BIVM: variants seen among roughly 807,000 people sequenced by gnomAD.
BIVM encodes the protein basic, immunoglobulin-like variable motif containing.
BIVM carries 31 observed loss-of-function variants against 61.4 expected under a neutral mutation model. That is an observed-to-expected ratio of 0.51 (90% CI 0.38 to 0.68). The LOEUF (loss-of-function observed/expected upper bound fraction) is 0.68. BIVM is among the 30% of genes least tolerant of loss of function. BIVM has a pLI of 0.00. For synonymous variants in BIVM, 189 were observed against 210.7 expected (o/e 0.90, Z 0.89); for missense variants, 526 against 596.0 (o/e 0.88, Z 1.22).
chr13:102,834,441 T>C (rs1187701416), intron 8 of BIVM, 25 bp from the exon 9 acceptor site: 1 of 1,584,268 alleles, frequency 6.3e-7, no homozygotes, highest in Non-Finnish European at 8.6e-7. Context: ...CTATTAAACG[T>C]ACTGTGAATG....
chr13:102,820,716 A>G (rs957593325), intron 4 of BIVM: 6 of 232,492 alleles, frequency 2.6e-5, no homozygotes, highest in African/African-American at 9.4e-5. Flanking sequence ...TGAAGTTGCA[A>G]ATAATCATGT....
rs536863531 is a variant in BIVM at position 102,831,469 on chromosome 13, G to A, written c.902-96G>A. On this transcript the variant is annotated intron_variant, in intron 7 of 10. Coordinates refer to ENST00000257336, the MANE Select transcript of BIVM (RefSeq NM_017693.4). ...GCAGTGTCAGTGTATTCCAAGTAAT[G>A]TCTTTTCTGTCCTTAAGCCCTTAAC... The A allele has an allele frequency of 9.2e-6, 14 of 1,527,286 alleles. No individual in the cohort carries two copies. In the African/African-American group the frequency reaches 1.7e-4, roughly 18 times the overall value. The allele number at this position is 1,527,286 out of a possible 1,614,324, so 94.6% of individuals were successfully genotyped here.
intron 1 of BIVM, among the ~76,000 whole-genome samples, chr13:102,804,880 T>C (rs77352825): frequency 0.024 from 3,719 of 152,288 alleles, 60 homozygotes; most frequent in Non-Finnish European, 0.032. Flanking sequence ...ATGAAAGCCA[T>C]GCAGTACCTT....
At position 102,822,131 on chromosome 13, in the gene BIVM, T is replaced by C; in HGVS notation, c.873T>C (p.His291=). The stretch of plus-strand genomic sequence containing the variant: ...GCTCTTATGTTCTATATAAGCCTCA[T>C]GGGAAGAATAAAACAGCAGGAGAAA... ...KGCSYVLYKP[H]GKNKTAGETA... is the part of the protein sequence containing the mutation. The change falls in exon 7 of 11, where the codon CAT becomes CAC. Residue 291 remains histidine, a synonymous_variant. Coordinates refer to ENST00000257336, the MANE Select transcript of BIVM (RefSeq NM_017693.4). 1 of 1,613,880 alleles carries C rather than the reference T, an allele frequency of 6.2e-7. No homozygotes were observed. Among genetic ancestry groups the C allele is most frequent in the East Asian group, 2.2e-5 (1 of 44,850 alleles).
chr13:102,834,469 G>T lies in BIVM; in HGVS notation c.1038G>T (p.Arg346Ser). 3.8e-6 allele frequency: 6 copies of T among 1,595,010 alleles called. No individual in the cohort carries two copies. Among genetic ancestry groups the T allele is most frequent in the Non-Finnish European group, 5.1e-6 (6 of 1,173,774 alleles). The change falls in exon 9 of 11, where the codon AGG (arginine) becomes AGT (serine). Residue 346 changes from arginine to serine, a missense_variant. Transcript: ENST00000257336. Reference sequence around the variant, plus strand: ...TGTGAATGTATTTTATATTTAGCAGGGGACCTCTCTCACCACAGGAAGTTG... The same window carrying T: ...TGTGAATGTATTTTATATTTAGCAGTGGACCTCTCTCACCACAGGAAGTTG... ...TPVKANKAFS[R>S]GPLSPQEVEY... is the part of the protein sequence containing the mutation.
rs548718078 is a variant in BIVM, at chr13:102,804,661, T to C, written c.-206-646T>C. 3.3e-5 allele frequency among the ~76,000 whole-genome samples: 5 copies of C among 151,118 alleles called. No homozygotes were observed. The South Asian group carries it at 1.0e-3, about 32-fold the overall frequency. ...TTTCAGTCGAGATGGGGTTTCACCATATTGGCCAGGCTAGTCTTGAACTCC... is the reference window on the plus strand; with the variant it reads ...TTTCAGTCGAGATGGGGTTTCACCACATTGGCCAGGCTAGTCTTGAACTCC... On this transcript the variant is annotated intron_variant, in intron 1 of 10. Transcript: ENST00000257336.
At chr13:102,828,043 G>T (rs1328591140) in intron 7 of BIVM, among the ~76,000 whole-genome samples, 1 of 152,136 alleles carries the variant, frequency 6.6e-6, no homozygotes, top group Non-Finnish European at 1.5e-5. Context: ...TTTTCACAAT[G>T]GGCTTTACGT....
At position 102,807,312 on chromosome 13, in the gene BIVM, T is replaced by C. The variant is rs755729194; in HGVS notation, c.45T>C (p.Asn15=). ...CAGAAAGGTCAAATGATTCTGGAAATGGTGAGCACAAATCTGAGAGAAAGT... is the reference window on the plus strand; with the variant it reads ...CAGAAAGGTCAAATGATTCTGGAAACGGTGAGCACAAATCTGAGAGAAAGT... ...AETERSNDSG[N]GEHKSERKSP... The change falls in exon 3 of 11, where the codon AAT becomes AAC. Residue 15 remains asparagine (N), a synonymous_variant. Transcript: ENST00000257336. The surrounding 1 kb of genome is among the most constrained non-coding windows in gnomAD (Gnocchi z 4.0). The C allele has an allele frequency of 3.7e-6, 6 of 1,613,026 alleles. No homozygotes were observed. The highest frequency in any genetic ancestry group is 1.7e-5 in the Admixed American group (1 of 59,968).
Position 102,807,532 on chromosome 13 carries a change from T to C in BIVM, c.265T>C (p.Ser89Pro). Reference protein sequence around the residue: ...ATSIYKTPNPSRSPCLPDSTS... With the variant: ...ATSIYKTPNPPRSPCLPDSTS... ...CTCAATCTATAAAACTCCAAATCCA[T>C]CCCGCTCTCCTTGCCTCCCTGATAG... Residue 89 changes from serine (S) to proline (P), a missense_variant, in exon 3 of 11, where the codon TCC becomes CCC. Ser to Pro is a moderately conservative substitution (Grantham distance 74). Transcript: ENST00000257336. The surrounding 1 kb of genome is among the most constrained non-coding windows in gnomAD (Gnocchi z 4.0). The C allele has an allele frequency of 6.2e-7, 1 of 1,614,120 alleles. No individual in the cohort carries two copies. Among genetic ancestry groups the C allele is most frequent in the Non-Finnish European group, 8.5e-7 (1 of 1,180,030 alleles).
intron 9 of BIVM, among the ~76,000 whole-genome samples, chr13:102,835,915 C>T (rs1881439492): frequency 6.6e-6 from 1 of 152,202 alleles, no homozygotes; most frequent in African/African-American, 2.4e-5. Context: ...TCACTTAATA[C>T]AGTGTTTTCA....
chr13:102,832,095 A>G (rs1881132406), intron 8 of BIVM, among the ~76,000 whole-genome samples: 1 of 152,206 alleles, frequency 6.6e-6, no homozygotes. Context: ...ATTATGACTT[A>G]TTCTTCTGCA....
intron 1 of BIVM, among the ~76,000 whole-genome samples, chr13:102,803,462 C>T (rs1878870796): frequency 6.6e-6 from 1 of 152,106 alleles, no homozygotes; most frequent in Non-Finnish European, 1.5e-5. Context: ...GAGATCCGGC[C>T]ATTGCACTCC....
intron 5 of BIVM, 75 bp downstream of exon 5, chr13:102,821,207 T>G: frequency 1.5e-6 from 2 of 1,291,802 alleles, no homozygotes; most frequent in Non-Finnish European, 2.1e-6. Flanking sequence ...CAGAAAAAAA[T>G]TTAAGAATAG....
At position 102,821,844 on chromosome 13, in the gene BIVM, T is replaced by G. The variant is rs1435954053; in HGVS notation, c.803T>G (p.Met268Arg). The G allele has an allele frequency of 1.2e-6, 2 of 1,613,104 alleles. No homozygotes were observed. The highest frequency in any genetic ancestry group is 1.7e-6 in the Non-Finnish European group (2 of 1,179,770). ...CCTTTCACGGGGAATACAACACTTA[T>G]GAGGTATGAAGACCCTCTTAGAGGC... ...FGPFTGNTTL[M>R]RWFRQINDHF... Residue 268 changes from methionine to arginine, a missense_variant, in exon 6 of 11, where the codon ATG (methionine) becomes AGG (arginine). Met to Arg is a moderately conservative substitution (Grantham distance 91, BLOSUM62 -1). Transcript: ENST00000257336.
At chr13:102,827,012 G>T (rs545116481) in intron 7 of BIVM, among the ~76,000 whole-genome samples, 1 of 152,286 alleles carries the variant, frequency 6.6e-6, no homozygotes, top group South Asian at 2.1e-4. Flanking sequence ...AAGGGCCATG[G>T]AGAGAGTTGA....
Position 102,822,051 on chromosome 13 carries a change from C to T in BIVM, c.807-14C>T. 6.2e-7 allele frequency: 1 copy of T among 1,611,480 alleles called. No individual in the cohort carries two copies. The highest frequency in any genetic ancestry group is 8.5e-7 in the Non-Finnish European group (1 of 1,179,026). On this transcript the variant is annotated splice_polypyrimidine_tract_variant and intron_variant, in intron 6 of 10. Transcript: ENST00000257336. ...AGAATTGTTGCCATGAACAAATCTT[C>T]TTGTTACTTTCAGGTGGTTTAGACA...
In BIVM at chr13:102,807,780, T is replaced by C; in HGVS notation, c.478+35T>C. ...GAGCCATGAAGTTCATATGTGAAAATAATGAGAAAACAAACACTATGTCTT... is the reference window on the plus strand; with the variant it reads ...GAGCCATGAAGTTCATATGTGAAAACAATGAGAAAACAAACACTATGTCTT... On this transcript the variant is annotated intron_variant, in intron 3 of 10. Transcript: ENST00000257336. This position sits in a 1 kb window ranked among gnomAD's most constrained non-coding sequence, Gnocchi z 4.0. 1 of 1,554,510 alleles carries C rather than the reference T, an allele frequency of 6.4e-7. No homozygotes were observed.
chr13:102,835,133 C>T (rs1881373640), intron 9 of BIVM, among the ~76,000 whole-genome samples: 1 of 152,042 alleles, frequency 6.6e-6, no homozygotes, highest in Non-Finnish European at 1.5e-5. Context: ...AATCCCAGCA[C>T]TTTGGGAGGC....
chr13:102,818,605 G>A (rs995714942), intron 4 of BIVM, among the ~76,000 whole-genome samples: 20 of 152,310 alleles, frequency 1.3e-4, no homozygotes, highest in African/African-American at 3.6e-4. Context: ...TAACATGTGA[G>A]GCCATGAAGG....
Sources: allele counts gnomAD v4.1 joint callset (sites outside exome capture counted in the v4.1 genomes callset), GRCh38; gene constraint gnomAD v4.1.1; non-coding constraint Gnocchi (gnomAD v3.1); transcripts MANE v1.5; gene names NCBI Gene and HGNC (gene_info 2026-07-23, HGNC 2026-07-21).